Variants in NFIA observed in about 807,000 individuals in gnomAD.
The protein encoded by NFIA is nuclear factor I A.
In NFIA, 8 loss-of-function variants were observed where a neutral mutation model predicts 62.8. The observed-to-expected ratio is 0.13, with a 90% CI of 0.07 to 0.23. NFIA has a LOEUF of 0.23. Among genes scored for constraint, NFIA ranks in the 10% least tolerant of loss-of-function variants. The pLI, the probability that NFIA is intolerant of heterozygous loss-of-function variation, is 1.00. For synonymous variants in NFIA, 235 were observed against 238.1 expected, an observed-to-expected ratio of 0.99 and a Z score of 0.12; for missense variants, 410 against 642.1, an observed-to-expected ratio of 0.64 and a Z score of 3.91.
rs371008139 is a variant in NFIA at position 61,390,673 on chromosome 1, G to A, written c.1075+7308G>A. 5.3e-5 allele frequency among the ~76,000 whole-genome samples: 8 copies of A among 152,292 alleles called. No individual in the cohort carries two copies. The East Asian group carries it at 1.5e-3, about 29-fold the overall frequency. On this transcript the variant is annotated intron_variant, in intron 7 of 10. Transcript: ENST00000403491. ...TCAGGAAGTTGGGGTCACCAAGAAAGGTTAGAGGAGTGTGGATTCATAATA... is the reference window on the plus strand; with the variant it reads ...TCAGGAAGTTGGGGTCACCAAGAAAAGTTAGAGGAGTGTGGATTCATAATA...
At chr1:61,188,478 T>C (rs549388515) in intron 2 of NFIA, among the ~76,000 whole-genome samples, 1 of 152,304 alleles carries the variant, frequency 6.6e-6, no homozygotes, top group South Asian at 2.1e-4. Flanking sequence ...GTTTTCCCCA[T>C]ATGAGTTGTG....
chr1:61,081,877 T>C (rs2100400223), upstream of NFIA: 1 of 1,542,622 alleles, frequency 6.5e-7, no homozygotes, highest in Non-Finnish European at 8.7e-7. Flanking sequence ...GCTTTGAGCC[T>C]TACCGCATTT....
chr1:61,383,988 C>A (rs1400185391), intron 7 of NFIA, among the ~76,000 whole-genome samples: 1 of 152,124 alleles, frequency 6.6e-6, no homozygotes, highest in Non-Finnish European at 1.5e-5. Flanking sequence ...TAAAATGTGT[C>A]CACGAGAAAT....
chr1:61,166,357 G>A (rs334723), intron 2 of NFIA, among the ~76,000 whole-genome samples: 140,983 of 152,204 alleles, frequency 0.93, 65,462 homozygotes, highest in Middle Eastern at 0.96. Flanking sequence ...TGACTTGCCT[G>A]AGATATGTAT....
intron 2 of NFIA, among the ~76,000 whole-genome samples, chr1:61,157,041 G>A (rs550933938): frequency 6.6e-6 from 1 of 152,220 alleles, no homozygotes; most frequent in Non-Finnish European, 1.5e-5. Context: ...AGTGGCCAAA[G>A]AGAACTGCAT....
chr1:61,426,898 T>A (rs751556595), intron 10 of NFIA, among the ~76,000 whole-genome samples: 1 of 152,070 alleles, frequency 6.6e-6, no homozygotes, highest in Admixed American at 6.5e-5. Flanking sequence ...GAAAGTAATA[T>A]CTGGTTGCCA....
At chr1:61,447,939 A>T (rs1667891580) in intron 10 of NFIA, among the ~76,000 whole-genome samples, 1 of 152,298 alleles carries the variant, frequency 6.6e-6, no homozygotes, top group Non-Finnish European at 1.5e-5. Context: ...GCTGTTGATC[A>T]AGCATAAAAT....
At chr1:61,345,250 A>G (rs775244327) in intron 4 of NFIA, among the ~76,000 whole-genome samples, 10 of 152,228 alleles carry the variant, frequency 6.6e-5, no homozygotes, top group Admixed American at 5.9e-4. Flanking sequence ...AACACAATTT[A>G]TATGTATTTA....
chr1:61,245,043 A>G (rs1557658692), intron 2 of NFIA, among the ~76,000 whole-genome samples: 2 of 152,190 alleles, frequency 1.3e-5, no homozygotes, highest in African/African-American at 2.4e-5. Flanking sequence ...GTCCAACTCA[A>G]ACATGTATTA....
chr1:61,143,690 C>T (rs1647711824), intron 2 of NFIA, among the ~76,000 whole-genome samples: 1 of 152,160 alleles, frequency 6.6e-6, no homozygotes, highest in South Asian at 2.1e-4. Flanking sequence ...TGTGCCTTGC[C>T]TTCATATGTT....
chr1:61,410,769 T>C (rs1327830749), intron 9 of NFIA, among the ~76,000 whole-genome samples: 1 of 152,030 alleles, frequency 6.6e-6, no homozygotes, highest in African/African-American at 2.4e-5. Flanking sequence ...TAGCTGGGTG[T>C]GGTGGCGTGC....
chr1:61,222,914 A>C (rs1277939056), intron 2 of NFIA, among the ~76,000 whole-genome samples: 2 of 152,052 alleles, frequency 1.3e-5, no homozygotes. Context: ...TTCTGAGGCT[A>C]TACAAATGTT....
At chr1:61,104,688 C>T (rs533519103) in intron 2 of NFIA, among the ~76,000 whole-genome samples, 3 of 152,086 alleles carry the variant, frequency 2.0e-5, no homozygotes, top group South Asian at 2.1e-4. Flanking sequence ...CTGTCTGGCC[C>T]TGTTTTCATA....
intron 2 of NFIA, among the ~76,000 whole-genome samples, chr1:61,127,856 C>T (rs1189963376): frequency 5.3e-5 from 8 of 152,062 alleles, no homozygotes; most frequent in Non-Finnish European, 1.2e-4. Context: ...GAAGGTTACC[C>T]TTTAGTCTGC....
rs1668554989 is a variant in NFIA, at chr1:61,462,024, G to GTTTTTTTTTTTTTTTTTTGTTTTT, written c.*6723_*6724insTTTTTTTTTTTTTTTTTTTTTTTG. ...ATAGTCTGTAAGTTAGCCTTTTTGG[G>GTTTTTTTTTTTTTTTTTTGTTTTT]TTTTTTTTTTTTTTTTTTGGCTTTT... On this transcript the variant is annotated 3_prime_UTR_variant, in exon 11 of 11. Coordinates refer to ENST00000403491, the MANE Select transcript of NFIA (RefSeq NM_001134673.4). 1 of 73,206 alleles carries GTTTTTTTTTTTTTTTTTTGTTTTT rather than the reference G, an allele frequency of 1.4e-5. No individual in the cohort carries two copies. Among genetic ancestry groups the GTTTTTTTTTTTTTTTTTTGTTTTT allele is most frequent in the African/African-American group, 6.7e-5 (1 of 14,898 alleles). The allele number at this position is 73,206 out of a possible 1,614,324, so 4.5% of individuals were successfully genotyped here. A position where few individuals can be genotyped will look rare whatever the true frequency, so the allele number is the denominator to read the frequency against.
intron 3 of NFIA, among the ~76,000 whole-genome samples, chr1:61,321,831 T>C (rs893215862): frequency 3.9e-5 from 6 of 152,212 alleles, no homozygotes; most frequent in Non-Finnish European, 7.3e-5. Flanking sequence ...TGATATCTAA[T>C]AGACATAGTC....
intron 2 of NFIA, among the ~76,000 whole-genome samples, chr1:61,226,710 A>T (rs1381331051): frequency 3.9e-5 from 6 of 152,188 alleles, no homozygotes; most frequent in East Asian, 1.9e-4. Context: ...TTATTAAAAA[A>T]TTTTATTTAA....
chr1:61,402,930 C>A (rs987885194), intron 7 of NFIA, among the ~76,000 whole-genome samples: 7 of 152,150 alleles, frequency 4.6e-5, no homozygotes, highest in South Asian at 2.1e-4. Flanking sequence ...GAACCTATGC[C>A]CAGCAACTAA....
At chr1:61,114,973 T>A (rs1196448592) in intron 2 of NFIA, among the ~76,000 whole-genome samples, 1 of 152,146 alleles carries the variant, frequency 6.6e-6, no homozygotes, top group Non-Finnish European at 1.5e-5. Flanking sequence ...TGTTGTTGTT[T>A]GTTTTGTTTT....
Sources: gnomAD v4.1 joint callset for allele counts (sites outside exome capture counted in the v4.1 genomes callset) on GRCh38, gnomAD v4.1.1 for gene constraint, MANE v1.5 for transcripts, NCBI Gene and HGNC (gene_info 2026-07-23, HGNC 2026-07-21) for gene names.